ADCK5: variants seen among roughly 807,000 people sequenced by gnomAD.
The protein encoded by ADCK5 is uncharacterized aarF domain-containing protein kinase 5.
In ADCK5, 43 loss-of-function variants were observed where a neutral mutation model predicts 64.9. The observed-to-expected ratio is 0.66, with a 90% CI of 0.52 to 0.85. The LOEUF is 0.85. Among genes scored for constraint, ADCK5 ranks in the 40% least tolerant of loss-of-function variants. ADCK5 has a pLI of 0.00. For missense variants in ADCK5, 760 were observed against 810.5 expected, an observed-to-expected ratio of 0.94 and a Z score of 0.76; for synonymous variants, 434 against 342.8, an observed-to-expected ratio of 1.27 and a Z score of -2.94.
At chr8:144,373,960 C>T, upstream of ADCK5, 1 of 1,036,856 alleles carries the variant, frequency 9.6e-7, no homozygotes, top group Non-Finnish European at 1.2e-6. Context: ...GGGGCGTGGC[C>T]TCCAGCCTCG....
rs146471243 is a variant in ADCK5, at chr8:144,393,033, G to T, written c.1702G>T (p.Val568Leu). The change falls in exon 15 of 15, where the codon GTG becomes TTG. Residue 568 changes from valine (V) to leucine (L), a missense_variant. Physicochemically the swap from Val to Leu is conservative, Grantham distance 32. Transcript: ENST00000308860. ...TCGTGCTCTGGTCCACCTGAGCCTC[G>T]TGCCCCCAGCGGAGGAGCTCTACCA... Reference protein sequence around the residue: ...LARALVHLSLVPPAEELYQYL... With the variant: ...LARALVHLSLLPPAEELYQYL... The T allele has an allele frequency of 1.6e-3, 2,614 of 1,590,114 alleles. 8 individuals are homozygous for T. Among genetic ancestry groups the T allele is most frequent in the Non-Finnish European group, 2.1e-3 (2,432 of 1,172,138 alleles).
At chr8:144,383,714 T>G (rs1399300735) in intron 3 of ADCK5, among the ~76,000 whole-genome samples, 1 of 152,132 alleles carries the variant, frequency 6.6e-6, no homozygotes, top group Non-Finnish European at 1.5e-5. Context: ...CTTCCTCCAT[T>G]ACCTTACAGT....
chr8:144,390,542 C>A, intron 3 of ADCK5, 129 bp from the exon 4 acceptor site: 1 of 991,852 alleles, frequency 1.0e-6, no homozygotes, highest in Non-Finnish European at 1.5e-6. Context: ...TGGACCCTGG[C>A]TTGGCCTCAC....
At chr8:144,373,549 G>T (rs1819236708), upstream of ADCK5, among the ~76,000 whole-genome samples, 1 of 152,220 alleles carries the variant, frequency 6.6e-6, no homozygotes, top group Admixed American at 6.5e-5. Context: ...GCCCTGGGAA[G>T]GTCTCCCCAT....
upstream of ADCK5, chr8:144,373,856 C>T: frequency 2.6e-6 from 1 of 382,292 alleles, no homozygotes; most frequent in Non-Finnish European, 4.6e-6. Context: ...GGACTGGAAC[C>T]CTCCGCTCTC....
intron 1 of ADCK5, 73 bp downstream of exon 1, chr8:144,374,180 C>T: frequency 8.2e-7 from 1 of 1,224,786 alleles, no homozygotes; most frequent in Non-Finnish European, 1.0e-6. Flanking sequence ...CCGCAAGTCC[C>T]CAGACCCCGC....
chr8:144,387,495 G>A (rs1554859472), intron 3 of ADCK5, among the ~76,000 whole-genome samples: 1 of 152,072 alleles, frequency 6.6e-6, no homozygotes, highest in Non-Finnish European at 1.5e-5. Context: ...CTGCCTCCTG[G>A]GTTCAAGCAA....
Position 144,392,074 on chromosome 8 carries a change from A to G in ADCK5, c.1097-18A>G, listed in dbSNP as rs1554860916. The G allele has an allele frequency of 6.2e-7, 1 of 1,612,456 alleles. No homozygotes were observed. Among genetic ancestry groups the G allele is most frequent in the South Asian group, 1.1e-5 (1 of 91,078 alleles). ...TCTCAGGGTGGGCGCAGCGCGACCTAAGAGGCTGTATCCCTAGTTCTGGTG... is the reference window on the plus strand; with the variant it reads ...TCTCAGGGTGGGCGCAGCGCGACCTGAGAGGCTGTATCCCTAGTTCTGGTG... On this transcript the variant is annotated intron_variant, in intron 10 of 14. Transcript: ENST00000308860.
At chr8:144,388,563 G>C (rs1015910151) in intron 3 of ADCK5, among the ~76,000 whole-genome samples, 1 of 151,956 alleles carries the variant, frequency 6.6e-6, no homozygotes, top group Non-Finnish European at 1.5e-5. Context: ...GGGAGATCGA[G>C]ACCATCCTGG....
In ADCK5 at chr8:144,393,038, C is replaced by G. The variant is rs535421070; in HGVS notation, c.1707C>G (p.Pro569=). Residue 569 remains proline (P), a synonymous_variant, in exon 15 of 15, where the codon CCC becomes CCG. Coordinates refer to ENST00000308860, the MANE Select transcript of ADCK5 (RefSeq NM_174922.5). ...CTCTGGTCCACCTGAGCCTCGTGCC[C>G]CCAGCGGAGGAGCTCTACCAGTACC... ...ARALVHLSLV[P]PAEELYQYLE... The G allele has an allele frequency of 5.0e-6, 8 of 1,588,894 alleles. No homozygotes were observed. The South Asian group carries it at 6.8e-5, about 14-fold the overall frequency.
chr8:144,382,209 C>T (rs1819699655), intron 2 of ADCK5, among the ~76,000 whole-genome samples: 1 of 151,264 alleles, frequency 6.6e-6, no homozygotes, highest in Non-Finnish European at 1.5e-5. Context: ...TGCTCAGGCA[C>T]CTGCTGCACT....
chr8:144,392,827 C>A lies in ADCK5; in HGVS notation c.1572C>A (p.Tyr524Ter). ...CGGGCGCCACGTATCGGGGTGTCTA[C>A]GGCACCAGCCTCCTGCGCCACGCCA... ...RLAGATYRGV[Y>*]GTSLLRHAKV... The change falls in exon 14 of 15, where the codon TAC becomes TAA. Residue 524 changes from tyrosine to a stop codon, truncating the protein, a stop_gained. Transcript: ENST00000308860. LOFTEE classifies it high-confidence loss of function. 1 of 1,592,180 alleles carries A rather than the reference C, an allele frequency of 6.3e-7. No homozygotes were observed.
chr8:144,389,292 C>A lies in ADCK5; in HGVS notation c.267-1379C>A, dbSNP rs555799451. 7.9e-5 allele frequency: 36 copies of A among 456,736 alleles called. No individual in the cohort carries two copies. In the East Asian group the frequency reaches 2.2e-3, roughly 28 times the overall value. 28.3% of individuals were successfully genotyped at this position (456,736 alleles called of 1,614,324 possible). ...TGCCTCCCCAGGCCTTGGAGACCCA[C>A]CCTCCTGGTGTCCTCCTCTCTTCCT... On this transcript the variant is annotated intron_variant, in intron 3 of 14. Coordinates refer to ENST00000308860, the MANE Select transcript of ADCK5 (RefSeq NM_174922.5).
At position 144,390,601 on chromosome 8, in the gene ADCK5, C is replaced by G. The variant is rs187425102; in HGVS notation, c.267-70C>G. On this transcript the variant is annotated intron_variant, in intron 3 of 14. Coordinates refer to ENST00000308860, the MANE Select transcript of ADCK5 (RefSeq NM_174922.5). ...GGGGTGAGGCTAGACCATGAGGGCT[C>G]TGACAAGAGGACCAAGCACCGGGGC... The G allele has an allele frequency of 2.1e-5, 32 of 1,491,774 alleles. No individual in the cohort carries two copies. The East Asian group carries it at 7.1e-4, about 33-fold the overall frequency. The allele number at this position is 1,491,774 out of a possible 1,614,324, so 92.4% of individuals were successfully genotyped here. A position where few individuals can be genotyped will look rare whatever the true frequency, so the allele number is the denominator to read the frequency against.
chr8:144,373,992 C>A, upstream of ADCK5: 1 of 1,196,956 alleles, frequency 8.4e-7, no homozygotes. Flanking sequence ...CGGGGCGGGG[C>A]TCTGGCTCCG....
rs148254366 is a variant in ADCK5, at chr8:144,375,335, T to C, written c.12+1228T>C. 602 of 555,478 alleles carry C rather than the reference T, an allele frequency of 1.1e-3. 4 individuals are homozygous for C. Among genetic ancestry groups the C allele is most frequent in the African/African-American group, 0.01 (507 of 48,794 alleles). The allele number at this position is 555,478 out of a possible 1,614,324, so 34.4% of individuals were successfully genotyped here. A position where few individuals can be genotyped will look rare whatever the true frequency, so the allele number is the denominator to read the frequency against. On this transcript the variant is annotated intron_variant, in intron 1 of 14. Transcript: ENST00000308860. ...AGTGTCTGTGGTCGCCAGACCCACT[T>C]ACCCTGCCCAGACTCCCAATCTGTC... is the stretch of plus-strand genomic sequence containing the variant.
intron 3 of ADCK5, among the ~76,000 whole-genome samples, chr8:144,389,574 G>A (rs1342710782): frequency 1.3e-5 from 2 of 152,040 alleles, no homozygotes; most frequent in Non-Finnish European, 2.9e-5. Context: ...TCGCTCTGTC[G>A]CCAGGCTGGA....
chr8:144,374,188 C>T, intron 1 of ADCK5, 81 bp downstream of exon 1: 1 of 1,205,926 alleles, frequency 8.3e-7, no homozygotes, highest in Non-Finnish European at 1.1e-6. Flanking sequence ...CCCCAGACCC[C>T]GCCCTAGAGA....
intron 1 of ADCK5, among the ~76,000 whole-genome samples, chr8:144,378,994 C>T (rs940046775): frequency 4.7e-5 from 7 of 150,116 alleles, no homozygotes; most frequent in Non-Finnish European, 7.4e-5. Flanking sequence ...AGTGTAGTGG[C>T]GCGATTTCAG....
Sources: allele counts gnomAD v4.1 joint callset (sites outside exome capture counted in the v4.1 genomes callset), GRCh38; gene constraint gnomAD v4.1.1; transcripts MANE v1.5; gene names NCBI Gene and HGNC (gene_info 2026-07-23, HGNC 2026-07-21).